GLB1L3: variants seen among roughly 807,000 people sequenced by gnomAD.
The protein encoded by GLB1L3 is galactosidase beta 1 like 3, also known as beta-galactosidase-1-like protein 3.
Under a neutral mutation model 89.5 loss-of-function variants are expected in GLB1L3, and 89 were observed. That is an observed-to-expected ratio of 0.99 (90% CI 0.84 to 1.19). The LOEUF is 1.19. GLB1L3 is among the 50% of genes most tolerant of loss of function. GLB1L3 has a pLI of 0.00. For missense variants in GLB1L3, 812 were observed against 813.3 expected (o/e 1.00, Z 0.02); for synonymous variants, 314 against 312.3 (o/e 1.01, Z -0.06).
chr11:134,299,427 TG>T (rs1054645875), intron 9 of GLB1L3, among the ~76,000 whole-genome samples: 37 of 152,204 alleles, frequency 2.4e-4, no homozygotes, highest in African/African-American at 8.4e-4. Context: ...GAGATCAGCC[TG>T]CCTTTCATTC....
intron 10 of GLB1L3, among the ~76,000 whole-genome samples, chr11:134,308,489 T>TCACCACCACCACCAC (rs1555080443): frequency 4.9e-4 from 3 of 6,110 alleles, no homozygotes; most frequent in African/African-American, 8.6e-4. Context: ...ACCACCACCA[T>TCACCACCACCACCAC]CACCACCAAA....
chr11:134,318,239 A>T (rs1943064677), intron 18 of GLB1L3, among the ~76,000 whole-genome samples: 2 of 152,180 alleles, frequency 1.3e-5, no homozygotes, highest in African/African-American at 2.4e-5. Flanking sequence ...TTCTTCTTCT[A>T]GATCTTGATC....
At chr11:134,284,918 C>T (rs1371263042) in intron 6 of GLB1L3, among the ~76,000 whole-genome samples, 1 of 139,388 alleles carries the variant, frequency 7.2e-6, no homozygotes, top group Non-Finnish European at 1.5e-5. Context: ...AGGTGCCATG[C>T]ATTGCCTTTT....
At chr11:134,286,399 G>C (rs533077620) in intron 6 of GLB1L3, among the ~76,000 whole-genome samples, 18 of 152,210 alleles carry the variant, frequency 1.2e-4, no homozygotes, top group Admixed American at 3.3e-4. Flanking sequence ...TACATCTTTT[G>C]TTTGAAGGGC....
At chr11:134,309,058 A>G (rs1448224017) in intron 10 of GLB1L3, among the ~76,000 whole-genome samples, 1 of 152,190 alleles carries the variant, frequency 6.6e-6, no homozygotes, top group Non-Finnish European at 1.5e-5. Context: ...TGTTCCCAGA[A>G]ACATTTCACT....
intron 9 of GLB1L3, among the ~76,000 whole-genome samples, chr11:134,304,734 C>T (rs1402984030): frequency 6.6e-6 from 1 of 152,036 alleles, no homozygotes; most frequent in Non-Finnish European, 1.5e-5. Flanking sequence ...TTATGCTCTC[C>T]ATTTATAGAG....
chr11:134,320,854 A>G (rs1943157585), downstream of GLB1L3, among the ~76,000 whole-genome samples: 1 of 152,162 alleles, frequency 6.6e-6, no homozygotes, highest in Admixed American at 6.5e-5. Context: ...CCCATAAGAG[A>G]ATTAAACACT....
rs150265584 is a variant in GLB1L3 at position 134,283,536 on chromosome 11, G to A, written c.528-201G>A. On this transcript the variant is annotated intron_variant, in intron 5 of 19. Coordinates refer to ENST00000431683, the MANE Select transcript of GLB1L3 (RefSeq NM_001080407.3). ...AAGTGCCTTGGAGGTGGAGGCGGCC[G>A]TTTCCTTTCAAATCCCACAAGTCTG... Among the ~76,000 whole-genome samples, 510 of 152,266 alleles carry A rather than the reference G, an allele frequency of 3.3e-3. 4 individuals carry two copies. Among genetic ancestry groups the A allele is most frequent in the African/African-American group, 1.0e-2 (414 of 41,548 alleles).
At chr11:134,299,722 G>C (rs1163037095) in intron 9 of GLB1L3, among the ~76,000 whole-genome samples, 1 of 152,142 alleles carries the variant, frequency 6.6e-6, no homozygotes, top group Non-Finnish European at 1.5e-5. Flanking sequence ...GCTGGTGAGG[G>C]AGAAAGGCTT....
chr11:134,314,738 A>G (rs150640428), intron 18 of GLB1L3, among the ~76,000 whole-genome samples: 212 of 152,266 alleles, frequency 1.4e-3, no homozygotes, highest in African/African-American at 4.8e-3. Context: ...AGAACTCAAC[A>G]CTGCCAACAG....
intron 10 of GLB1L3, among the ~76,000 whole-genome samples, chr11:134,308,475 TA>T (rs1942478305): frequency 4.9e-5 from 1 of 20,348 alleles, no homozygotes; most frequent in African/African-American, 2.0e-4. Context: ...CACCACCAAA[TA>T]CCACCACCAC....
intron 13 of GLB1L3, 114 bp downstream of exon 13, chr11:134,311,284 A>T: frequency 2.4e-6 from 2 of 823,980 alleles, no homozygotes; most frequent in Non-Finnish European, 4.1e-6. Flanking sequence ...CATTTCATTC[A>T]AATTTAGAAC....
chr11:134,309,828 C>G (rs1330758477), intron 11 of GLB1L3, 65 bp downstream of exon 11: 1 of 1,566,520 alleles, frequency 6.4e-7, no homozygotes, highest in Non-Finnish European at 8.7e-7. Flanking sequence ...AGAGGAGGCT[C>G]CGGAAGCCTG....
Position 134,319,112 on chromosome 11 carries a change from G to C in GLB1L3, c.*170G>C. 1.7e-6 allele frequency: 1 copy of C among 573,336 alleles called. No homozygotes were observed. 35.5% of individuals were successfully genotyped at this position (573,336 alleles called of 1,614,324 possible). On this transcript the variant is annotated 3_prime_UTR_variant, in exon 20 of 20. Transcript: ENST00000431683. ...TGGGACTACAGGTGCACGCCACCAC[G>C]CCTGGCTAATTTTTTGTATTTTTAG...
rs769500802 is a variant in GLB1L3, at chr11:134,309,668, C to T, written c.1004C>T (p.Ser335Phe). The change falls in exon 11 of 20, where the codon TCC (serine) becomes TTC (phenylalanine). Residue 335 changes from serine to phenylalanine, a missense_variant. Around this residue, in one of 3 missense-constraint regions of GLB1L3, gnomAD observed 618 missense variants for 604.0 expected, o/e 1.02. Coordinates refer to ENST00000431683, the MANE Select transcript of GLB1L3 (RefSeq NM_001080407.3). ...TCTGAATTCATCAAATATGAGATCT[C>T]CTTCAATGTATATATGTTCCATGGT... ...AVSEFIKYEI[S>F]FNVYMFHGGT... The T allele has an allele frequency of 6.2e-6, 10 of 1,611,456 alleles. No individual in the cohort carries two copies. The African/African-American group carries it at 1.1e-4, about 17-fold the overall frequency.
chr11:134,308,300 CACCACCACCACT>C (rs1942382763), intron 10 of GLB1L3, among the ~76,000 whole-genome samples: 3 of 35,072 alleles, frequency 8.6e-5, no homozygotes, highest in Admixed American at 2.5e-4. Flanking sequence ...CCACCACCAC[CACCACCACCACT>C]ACCACCACCA....
Position 134,311,141 on chromosome 11 carries a change from C to T in GLB1L3, c.1258C>T (p.Leu420=). The T allele has an allele frequency of 6.2e-7, 1 of 1,613,860 alleles. No individual in the cohort carries two copies. Among genetic ancestry groups the T allele is most frequent in the East Asian group, 2.2e-5 (1 of 44,868 alleles). Reference sequence around the variant, plus strand: ...CGTGAGACCGTCGCTGTACCTCCCGCTGTGGGACGCCCTATCCTACTTAAA... The same window carrying T: ...CGTGAGACCGTCGCTGTACCTCCCGTTGTGGGACGCCCTATCCTACTTAAA... ...PPVRPSLYLP[L]WDALSYLNEP... The change falls in exon 13 of 20, where the codon CTG becomes TTG. Residue 420 remains leucine, a synonymous_variant. Coordinates refer to ENST00000431683, the MANE Select transcript of GLB1L3 (RefSeq NM_001080407.3).
chr11:134,293,830 T>C (rs1370213358), intron 9 of GLB1L3, among the ~76,000 whole-genome samples: 1 of 152,044 alleles, frequency 6.6e-6, no homozygotes, highest in Non-Finnish European at 1.5e-5. Context: ...CTTAACACCC[T>C]CTCCTGGTTG....
At chr11:134,292,507 C>T (rs1033857681) in intron 8 of GLB1L3, 10 of 286,112 alleles carry the variant, frequency 3.5e-5, no homozygotes, top group Non-Finnish European at 5.9e-5. Flanking sequence ...GGCAAGAAAT[C>T]TGCATTGGTG....
Sources: allele counts gnomAD v4.1 joint callset (sites outside exome capture counted in the v4.1 genomes callset), GRCh38; gene constraint gnomAD v4.1.1; regional missense constraint gnomAD v4.1.1; transcripts MANE v1.5; gene names NCBI Gene and HGNC (gene_info 2026-07-23, HGNC 2026-07-21).